DNAH9: variants seen among roughly 807,000 people sequenced by gnomAD.
DNAH9 encodes dynein axonemal heavy chain 9.
A neutral mutation model predicts 471.6 loss-of-function variants in DNAH9; 345 were observed. The observed-to-expected ratio is 0.73, with a 90% CI of 0.67 to 0.80. The LOEUF (loss-of-function observed/expected upper bound fraction) is 0.80, where lower values mean the gene tolerates loss of function less well. DNAH9 is among the 30% of genes least tolerant of loss of function. The probability of loss-of-function intolerance (pLI) is 0.00; values close to 1 mark genes in which losing one functional copy is unlikely to be tolerated. For synonymous variants in DNAH9, 2,093 were observed against 2,123.6 expected, an observed-to-expected ratio of 0.99 and a Z score of 0.40; for missense variants, 5,407 against 5,609.2, an observed-to-expected ratio of 0.96 and a Z score of 1.15.
intron 32 of DNAH9, among the ~76,000 whole-genome samples, chr17:11,751,599 C>T (rs1452416891): frequency 6.6e-5 from 10 of 151,920 alleles, no homozygotes; most frequent in Non-Finnish European, 1.5e-5. Flanking sequence ...ATAATAAATG[C>T]TCTGTACCTA....
intron 49 of DNAH9, among the ~76,000 whole-genome samples, chr17:11,843,622 T>C (rs1971103294): frequency 6.6e-6 from 1 of 151,502 alleles, no homozygotes; most frequent in Non-Finnish European, 1.5e-5. Context: ...ATTTAACCAA[T>C]TATTAAAGAT....
intron 26 of DNAH9, among the ~76,000 whole-genome samples, chr17:11,709,474 A>G (rs978066136): frequency 1.3e-5 from 2 of 152,234 alleles, no homozygotes; most frequent in Non-Finnish European, 2.9e-5. Context: ...TAGCCTAAGT[A>G]CATTTAATTC....
chr17:11,921,556 T>G (rs1044919700), intron 61 of DNAH9, among the ~76,000 whole-genome samples: 27 of 152,102 alleles, frequency 1.8e-4, no homozygotes, highest in African/African-American at 6.5e-4. Context: ...CATACAACAA[T>G]CTGAAGGTGA....
chr17:11,635,601 G>A (rs759822232), intron 8 of DNAH9, among the ~76,000 whole-genome samples: 1 of 152,138 alleles, frequency 6.6e-6, no homozygotes, highest in Non-Finnish European at 1.5e-5. Context: ...GCTAGGTGGA[G>A]ATGAGAGGTT....
chr17:11,883,633 G>C lies in DNAH9; in HGVS notation c.10854G>C (p.Thr3618=). The change falls in exon 56 of 69, where the codon ACG becomes ACC. Residue 3618 remains threonine (T), a synonymous_variant. Coordinates refer to ENST00000262442, the MANE Select transcript of DNAH9 (RefSeq NM_001372.4). ...ATGGATTCAAAATTACCCTGAAAAC[G>C]TTGGAAGACAGTCTTCTCTCTCGCC... ...QQNGFKITLK[T]LEDSLLSRLS... 6.2e-7 allele frequency: 1 copy of C among 1,614,106 alleles called. No homozygotes were observed.
chr17:11,808,376 A>G (rs1442452988), intron 44 of DNAH9, among the ~76,000 whole-genome samples: 1 of 152,180 alleles, frequency 6.6e-6, no homozygotes, highest in Non-Finnish European at 1.5e-5. Flanking sequence ...GACACTATAT[A>G]CAACCTTCAA....
intron 52 of DNAH9, among the ~76,000 whole-genome samples, chr17:11,872,252 C>T (rs963244758): frequency 1.2e-4 from 19 of 152,074 alleles, no homozygotes; most frequent in Non-Finnish European, 2.4e-4. Context: ...CGTCGGCTTC[C>T]GTCCTGCATA....
intron 10 of DNAH9, among the ~76,000 whole-genome samples, chr17:11,640,643 C>T (rs759648949): frequency 1.1e-4 from 17 of 152,170 alleles, no homozygotes; most frequent in African/African-American, 1.2e-4. Flanking sequence ...TTCTGGAGGA[C>T]AGTGAGCCAG....
At chr17:11,745,272 A>G (rs1232291875) in intron 31 of DNAH9, among the ~76,000 whole-genome samples, 188 bp downstream of exon 31, 1 of 152,208 alleles carries the variant, frequency 6.6e-6, no homozygotes, top group Non-Finnish European at 1.5e-5. Context: ...GGTAGGGAAT[A>G]CAAGGGAAAG....
chr17:11,768,696 A>G, intron 37 of DNAH9, 70 bp downstream of exon 37: 1 of 1,548,986 alleles, frequency 6.5e-7, no homozygotes, highest in East Asian at 2.3e-5. Context: ...CTCCAGTAGC[A>G]GCCCCGCATG....
chr17:11,920,625 A>AAAAAC (rs1398823370), intron 61 of DNAH9, among the ~76,000 whole-genome samples: 257 of 148,852 alleles, frequency 1.7e-3, no homozygotes, highest in African/African-American at 5.9e-3. Flanking sequence ...CATCTCAAAA[A>AAAAAC]AAAAAAAAAA....
At chr17:11,925,136 T>C (rs1313173477) in intron 62 of DNAH9, 1 of 454,446 alleles carries the variant, frequency 2.2e-6, no homozygotes, top group South Asian at 1.6e-5. Flanking sequence ...ATTTTATGAC[T>C]GTATTCTCCA....
intron 26 of DNAH9, among the ~76,000 whole-genome samples, chr17:11,707,880 T>A (rs912950994): frequency 6.6e-6 from 1 of 151,832 alleles, no homozygotes; most frequent in Non-Finnish European, 1.5e-5. Flanking sequence ...GTTCCACTGG[T>A]ACCGTCTCAT....
chr17:11,726,295 A>C (rs909332150), intron 27 of DNAH9, among the ~76,000 whole-genome samples: 7 of 152,122 alleles, frequency 4.6e-5, no homozygotes, highest in Non-Finnish European at 8.8e-5. Context: ...ATTCTGAGAA[A>C]ATCAGGGGTT....
At chr17:11,631,257 G>A (rs1182645489) in intron 7 of DNAH9, among the ~76,000 whole-genome samples, 4 of 152,176 alleles carry the variant, frequency 2.6e-5, no homozygotes, top group Non-Finnish European at 5.9e-5. Context: ...CCCAGAAAAA[G>A]GAATGGCAGA....
At chr17:11,801,616 G>A (rs1453838212) in intron 43 of DNAH9, among the ~76,000 whole-genome samples, 1 of 152,100 alleles carries the variant, frequency 6.6e-6, no homozygotes, top group Non-Finnish European at 1.5e-5. Flanking sequence ...GCTTGAACCC[G>A]GGAGGCAGCG....
chr17:11,599,630 C>T (rs1297313001), intron 1 of DNAH9, among the ~76,000 whole-genome samples: 4 of 152,168 alleles, frequency 2.6e-5, no homozygotes, highest in Admixed American at 6.5e-5. Context: ...GGCACCACAG[C>T]AGAAGCTTCG....
At chr17:11,876,711 T>TTTTG (rs911324571) in intron 53 of DNAH9, among the ~76,000 whole-genome samples, 17 of 152,048 alleles carry the variant, frequency 1.1e-4, no homozygotes, top group African/African-American at 3.4e-4. Context: ...GTTTTGTTTT[T>TTTTG]TTTGTTTGTT....
intron 67 of DNAH9, among the ~76,000 whole-genome samples, chr17:11,949,404 A>T (rs1975272784): frequency 6.6e-6 from 1 of 152,074 alleles, no homozygotes. Flanking sequence ...GCTGTTAAAC[A>T]GGATTCAGGC....
Sources: allele counts gnomAD v4.1 joint callset (sites outside exome capture counted in the v4.1 genomes callset), GRCh38; gene constraint gnomAD v4.1.1; transcripts MANE v1.5; gene names NCBI Gene and HGNC (gene_info 2026-07-23, HGNC 2026-07-21).